CXCR5: variants seen among roughly 807,000 people sequenced by gnomAD.
CXCR5 encodes the protein C-X-C motif chemokine receptor 5.
CXCR5 carries 3 observed loss-of-function variants against 5.6 expected under a neutral mutation model. That is an observed-to-expected ratio of 0.54 (90% CI 0.24 to 1.39). CXCR5 has a LOEUF of 1.39. CXCR5 is among the 40% of genes most tolerant of loss of function. The pLI is 0.16. For missense variants in CXCR5, 333 were observed against 494.6 expected (o/e 0.67, Z 3.10); for synonymous variants, 218 against 219.9 (o/e 0.99, Z 0.08).
chr11:118,894,006 C>T lies in CXCR5; in HGVS notation c.462C>T (p.Ala154=), dbSNP rs372433399. The T allele has an allele frequency of 3.5e-5, 56 of 1,613,566 alleles. No individual in the cohort carries two copies. The highest frequency in any genetic ancestry group is 1.6e-4 in the Middle Eastern group (1 of 6,084). ...AVDRYLAIVH[A]VHAYRHRRLL... ...ACCGCTACCTGGCCATTGTCCACGCCGTCCATGCCTACCGCCACCGCCGCC... is the reference window on the plus strand; with the variant it reads ...ACCGCTACCTGGCCATTGTCCACGCTGTCCATGCCTACCGCCACCGCCGCC... Residue 154 remains alanine, a synonymous_variant, in exon 2 of 2, where the codon GCC becomes GCT. Transcript: ENST00000292174. This position sits in a 1 kb window ranked among gnomAD's most constrained non-coding sequence, Gnocchi z 6.1.
intron 1 of CXCR5, chr11:118,886,346 A>AG: frequency 5.6e-6 from 2 of 360,288 alleles, no homozygotes; most frequent in Admixed American, 3.2e-5. Context: ...CAAACTTGCC[A>AG]GAAAAAAAAA....
intron 1 of CXCR5, among the ~76,000 whole-genome samples, chr11:118,884,658 T>C (rs1327591794): frequency 6.6e-6 from 1 of 152,162 alleles, no homozygotes; most frequent in African/African-American, 2.4e-5. Context: ...ATCTGACAAA[T>C]GTCTTGGAAC....
intron 1 of CXCR5, 81 bp downstream of exon 1, chr11:118,884,073 G>C (rs191193559): frequency 9.9e-5 from 135 of 1,360,132 alleles, no homozygotes; most frequent in Non-Finnish European, 1.3e-4. Context: ...GAGGGAGAGG[G>C]GACAGTGTGG....
At chr11:118,890,155 A>G (rs1939785896) in intron 1 of CXCR5, among the ~76,000 whole-genome samples, 1 of 152,234 alleles carries the variant, frequency 6.6e-6, no homozygotes, top group Non-Finnish European at 1.5e-5. Flanking sequence ...GATAGGATCT[A>G]GGATCAAGGC....
chr11:118,893,745 C>T lies in CXCR5; in HGVS notation c.201C>T (p.Ile67=), dbSNP rs759410345. The part of the protein sequence containing the change: ...AYSLIFLLGV[I]GNVLVLVILE... ...GCCTCATCTTCCTCCTGGGCGTGATCGGCAACGTCCTGGTGCTGGTGATCC... is the reference window on the plus strand; with the variant it reads ...GCCTCATCTTCCTCCTGGGCGTGATTGGCAACGTCCTGGTGCTGGTGATCC... Residue 67 remains isoleucine, a synonymous_variant, in exon 2 of 2, where the codon ATC becomes ATT. Coordinates refer to ENST00000292174, the MANE Select transcript of CXCR5 (RefSeq NM_001716.5). This position sits in a 1 kb window ranked among gnomAD's most constrained non-coding sequence, Gnocchi z 5.7. 17 of 1,614,228 alleles carry T rather than the reference C, an allele frequency of 1.1e-5. No homozygotes were observed. Among genetic ancestry groups the T allele is most frequent in the Non-Finnish European group, 1.4e-5 (16 of 1,180,038 alleles).
At chr11:118,884,777 C>T (rs916062117) in intron 1 of CXCR5, among the ~76,000 whole-genome samples, 2 of 152,124 alleles carry the variant, frequency 1.3e-5, no homozygotes, top group East Asian at 3.9e-4. Flanking sequence ...TCCAGTGAAG[C>T]GTAGTGGTGC....
intron 1 of CXCR5, among the ~76,000 whole-genome samples, chr11:118,891,129 C>T (rs114676649): frequency 0.012 from 1,754 of 152,272 alleles, 24 homozygotes; most frequent in African/African-American, 0.038. Context: ...TGGAATCCTA[C>T]TGCATGGGAT....
rs1179185608 is a variant in CXCR5, at chr11:118,895,397, G to A, written c.*734G>A. ...CCTTGGAGGCCAGCCAGTGACCTGA[G>A]GAAGCGTGAAGGCCGAGAAGCAAGA... On this transcript the variant is annotated 3_prime_UTR_variant, in exon 2 of 2. Transcript: ENST00000292174. The surrounding 1 kb of genome is among the most constrained non-coding windows in gnomAD (Gnocchi z 4.2). The A allele has an allele frequency of 1.2e-5, 2 of 167,180 alleles. No homozygotes were observed. The highest frequency in any genetic ancestry group is 2.9e-5 in the Non-Finnish European group (2 of 68,218). 10.4% of individuals were successfully genotyped at this position (167,180 alleles called of 1,614,324 possible). A position where few individuals can be genotyped will look rare whatever the true frequency, so the allele number is the denominator to read the frequency against.
chr11:118,892,159 T>C (rs536454623), intron 1 of CXCR5, among the ~76,000 whole-genome samples: 1 of 151,996 alleles, frequency 6.6e-6, no homozygotes, highest in East Asian at 1.9e-4. Context: ...GCGGGAAGGG[T>C]TGGCAGATGG....
At chr11:118,892,671 G>C (rs939299992) in intron 1 of CXCR5, among the ~76,000 whole-genome samples, 3 of 151,588 alleles carry the variant, frequency 2.0e-5, no homozygotes, top group East Asian at 2.0e-4. Context: ...GGGTGATGGG[G>C]GGGGGGTGAT....
chr11:118,892,674 G>T (rs74235169), intron 1 of CXCR5, among the ~76,000 whole-genome samples: 1 of 151,702 alleles, frequency 6.6e-6, no homozygotes, highest in Non-Finnish European at 1.5e-5. Flanking sequence ...TGATGGGGGG[G>T]GGGTGATGGG....
At position 118,894,480 on chromosome 11, in the gene CXCR5, G is replaced by T; in HGVS notation, c.936G>T (p.Leu312=). Residue 312 remains leucine, a synonymous_variant, in exon 2 of 2, where the codon CTG becomes CTT. Transcript: ENST00000292174. The surrounding 1 kb of genome is among the most constrained non-coding windows in gnomAD (Gnocchi z 6.1). ...TCACCATGTGTGAGTTCCTGGGCCT[G>T]GCCCACTGCTGCCTCAACCCCATGC... ...VAITMCEFLG[L]AHCCLNPMLY... is the part of the protein sequence containing the mutation. 1 of 1,611,540 alleles carries T rather than the reference G, an allele frequency of 6.2e-7. No homozygotes were observed. The highest frequency in any genetic ancestry group is 8.5e-7 in the Non-Finnish European group (1 of 1,178,316).
rs759344464 is a variant in CXCR5, at chr11:118,893,843, T to C, written c.299T>C (p.Leu100Pro). Residue 100 changes from leucine (L) to proline (P), a missense_variant, in exon 2 of 2, where the codon CTG becomes CCG. Physicochemically the swap from Leu to Pro is moderately conservative, Grantham distance 98. Coordinates refer to ENST00000292174, the MANE Select transcript of CXCR5 (RefSeq NM_001716.5). The surrounding 1 kb of genome is among the most constrained non-coding windows in gnomAD (Gnocchi z 5.7). ...LFHLAVADLLLVFILPFAVAE... is the reference protein window; with the variant it reads ...LFHLAVADLLPVFILPFAVAE... Reference sequence around the variant, plus strand: ...CACCTGGCCGTGGCCGACCTCCTGCTGGTCTTCATCTTGCCCTTTGCCGTG... The same window carrying C: ...CACCTGGCCGTGGCCGACCTCCTGCCGGTCTTCATCTTGCCCTTTGCCGTG... 4 of 1,614,142 alleles carry C rather than the reference T, an allele frequency of 2.5e-6. No homozygotes were observed. The South Asian group carries it at 4.4e-5, about 18-fold the overall frequency.
chr11:118,892,746 A>T (rs1180012169), intron 1 of CXCR5, among the ~76,000 whole-genome samples: 1 of 151,934 alleles, frequency 6.6e-6, no homozygotes, highest in Non-Finnish European at 1.5e-5. Context: ...CACCCCCTGC[A>T]CTTGGAGCAG....
Position 118,894,746 on chromosome 11 carries a change from T to C in CXCR5, c.*83T>C. 2 of 1,387,768 alleles carry C rather than the reference T, an allele frequency of 1.4e-6. No individual in the cohort carries two copies. Among genetic ancestry groups the C allele is most frequent in the Non-Finnish European group, 1.9e-6 (2 of 1,039,212 alleles). The allele number at this position is 1,387,768 out of a possible 1,614,324, so 86.0% of individuals were successfully genotyped here. On this transcript the variant is annotated 3_prime_UTR_variant, in exon 2 of 2. Coordinates refer to ENST00000292174, the MANE Select transcript of CXCR5 (RefSeq NM_001716.5). This position sits in a 1 kb window ranked among gnomAD's most constrained non-coding sequence, Gnocchi z 6.1. ...CTCCTTCCAACAGGAGCTGGGATCC[T>C]AAGGGCTCACCGTGGCTAAGAGTGT...
At position 118,894,172 on chromosome 11, in the gene CXCR5, G is replaced by A. The variant is rs753260293; in HGVS notation, c.628G>A (p.Ala210Thr). The A allele has an allele frequency of 6.2e-7, 1 of 1,614,076 alleles. No individual in the cohort carries two copies. The highest frequency in any genetic ancestry group is 1.7e-5 in the Admixed American group (1 of 60,020). ...PRCTFSQENQ[A>T]ETHAWFTSRF... ...TTGCACCTTCTCCCAAGAGAACCAA[G>A]CAGAAACGCATGCCTGGTTCACCTC... The change falls in exon 2 of 2, where the codon GCA becomes ACA. Residue 210 changes from alanine (A) to threonine (T), a missense_variant. Physicochemically the swap from Ala to Thr is moderately conservative, Grantham distance 58. Transcript: ENST00000292174. The surrounding 1 kb of genome is among the most constrained non-coding windows in gnomAD (Gnocchi z 6.1).
chr11:118,892,633 G>A (rs1366884832), intron 1 of CXCR5, among the ~76,000 whole-genome samples: 1 of 147,782 alleles, frequency 6.8e-6, no homozygotes, highest in African/African-American at 2.5e-5. Context: ...TTCCTTTGTG[G>A]TTAGCTGGGT....
In CXCR5 at chr11:118,894,229, C is replaced by T. The variant is rs2137660510; in HGVS notation, c.685C>T (p.Leu229=). Residue 229 remains leucine (L), a synonymous_variant, in exon 2 of 2, where the codon CTG becomes TTG. Transcript: ENST00000292174. The surrounding 1 kb of genome is among the most constrained non-coding windows in gnomAD (Gnocchi z 6.1). ...CCTCTACCATGTGGCGGGATTCCTG[C>T]TGCCCATGCTGGTGATGGGCTGGTG... The part of the protein sequence containing the change: ...RFLYHVAGFL[L]PMLVMGWCYV... The T allele has an allele frequency of 1.2e-6, 2 of 1,614,002 alleles. No individual in the cohort carries two copies. Among genetic ancestry groups the T allele is most frequent in the East Asian group, 4.5e-5 (2 of 44,882 alleles).
In CXCR5 at chr11:118,897,387, G is replaced by C. The variant is rs544836957; in HGVS notation, c.*2724G>C. 2 of 194,396 alleles carry C rather than the reference G, an allele frequency of 1.0e-5. No individual in the cohort carries two copies. Among genetic ancestry groups the C allele is most frequent in the South Asian group, 1.4e-4 (2 of 14,120 alleles). The allele number at this position is 194,396 out of a possible 1,614,324, so 12.0% of individuals were successfully genotyped here. A position where few individuals can be genotyped will look rare whatever the true frequency, so the allele number is the denominator to read the frequency against. On this transcript the variant is annotated 3_prime_UTR_variant, in exon 2 of 2. Coordinates refer to ENST00000292174, the MANE Select transcript of CXCR5 (RefSeq NM_001716.5). ...CTGGGACAAAAGACTTCAAGTTCTG[G>C]CTAAGATGTAGCAGCAGCGGATGCC...
Sources: allele counts gnomAD v4.1 joint callset (sites outside exome capture counted in the v4.1 genomes callset), GRCh38; gene constraint gnomAD v4.1.1; non-coding constraint Gnocchi (gnomAD v3.1); transcripts MANE v1.5; gene names NCBI Gene and HGNC (gene_info 2026-07-23, HGNC 2026-07-21).